EPB41L1: variants seen among roughly 807,000 people sequenced by gnomAD.
EPB41L1 encodes the protein erythrocyte membrane protein band 4.1 like 1, also known as band 4.1-like protein 1.
In EPB41L1, 29 loss-of-function variants were observed where a neutral mutation model predicts 97.8. The observed-to-expected ratio is 0.30, with a 90% confidence interval of 0.22 to 0.40. The LOEUF is 0.40. Among genes scored for constraint, EPB41L1 ranks in the 10% least tolerant of loss-of-function variants. The probability of loss-of-function intolerance (pLI) is 1.00; values close to 1 mark genes in which losing one functional copy is unlikely to be tolerated. For missense variants in EPB41L1, 812 were observed against 1,162.3 expected, an observed-to-expected ratio of 0.70 and a Z score of 4.38; for synonymous variants, 383 against 459.2, an observed-to-expected ratio of 0.83 and a Z score of 2.12.
At chr20:36,123,790 A>G (rs903920354) in intron 2 of EPB41L1, among the ~76,000 whole-genome samples, 11 of 152,364 alleles carry the variant, frequency 7.2e-5, no homozygotes, top group Admixed American at 3.3e-4. Context: ...TTAGATGAAG[A>G]GGACATTCCC....
intron 1 of EPB41L1, among the ~76,000 whole-genome samples, chr20:36,163,150 A>C (rs1472306268): frequency 6.7e-6 from 1 of 149,090 alleles, no homozygotes; most frequent in Non-Finnish European, 1.5e-5. Context: ...TTTTTCTTGT[A>C]ATTCTTCTTT....
At chr20:36,208,695 G>C (rs2062963420) in intron 14 of EPB41L1, among the ~76,000 whole-genome samples, 1 of 152,216 alleles carries the variant, frequency 6.6e-6, no homozygotes, top group African/African-American at 2.4e-5. Context: ...TTATGAACCA[G>C]CCAAAAATGT....
At chr20:36,122,550 A>G (rs2058787971) in intron 2 of EPB41L1, 1 of 152,848 alleles carries the variant, frequency 6.5e-6, no homozygotes, top group Non-Finnish European at 1.5e-5. Flanking sequence ...AGGTTTGGCC[A>G]CACCCATGAG....
chr20:36,181,095 A>G (rs548972340), intron 5 of EPB41L1, among the ~76,000 whole-genome samples: 1 of 152,332 alleles, frequency 6.6e-6, no homozygotes, highest in African/African-American at 2.4e-5. Context: ...GAGATGTGAC[A>G]TCTGTATGGT....
intron 2 of EPB41L1, among the ~76,000 whole-genome samples, chr20:36,133,649 G>A (rs575840066): frequency 2.0e-5 from 3 of 152,244 alleles, no homozygotes; most frequent in Non-Finnish European, 2.9e-5. Flanking sequence ...TTGAGCTCAC[G>A]AGTTTGAGAC....
At chr20:36,140,234 T>G (rs937762552) in intron 2 of EPB41L1, among the ~76,000 whole-genome samples, 1 of 149,548 alleles carries the variant, frequency 6.7e-6, no homozygotes, top group Non-Finnish European at 1.5e-5. Context: ...TTTGTATGTT[T>G]TTTTTTTTTT....
chr20:36,106,128 C>T (rs2058184438), intron 1 of EPB41L1, among the ~76,000 whole-genome samples: 1 of 152,182 alleles, frequency 6.6e-6, no homozygotes, highest in Non-Finnish European at 1.5e-5. Context: ...AGCCAGTGGA[C>T]CTTGCTGGCT....
At chr20:36,102,271 G>A (rs904282104) in intron 1 of EPB41L1, among the ~76,000 whole-genome samples, 11 of 152,182 alleles carry the variant, frequency 7.2e-5, no homozygotes, top group African/African-American at 2.4e-4. Flanking sequence ...CATGCACAAT[G>A]TTAAGAGTGT....
intron 2 of EPB41L1, among the ~76,000 whole-genome samples, chr20:36,132,250 G>A (rs984580268): frequency 8.5e-5 from 13 of 152,140 alleles, no homozygotes; most frequent in Non-Finnish European, 1.5e-4. Context: ...AAGTCAGGGT[G>A]TTGGCAGAGC....
intron 2 of EPB41L1, among the ~76,000 whole-genome samples, chr20:36,145,705 G>A (rs1386430029): frequency 6.6e-6 from 1 of 152,228 alleles, no homozygotes; most frequent in South Asian, 2.1e-4. Context: ...GTGATGAAAT[G>A]TTCTACATCT....
rs1353007696 is a variant in EPB41L1 at position 36,092,332 on chromosome 20, C to T, written c.-65+720C>T. Among the ~76,000 whole-genome samples the T allele has an allele frequency of 3.3e-5, 5 of 152,172 alleles. No individual in the cohort carries two copies. The highest frequency in any genetic ancestry group is 1.2e-4 in the African/African-American group (5 of 41,452). On this transcript the variant is annotated intron_variant, in intron 1 of 19. Transcript: ENST00000202028. The surrounding 1 kb of genome is among the most constrained non-coding windows in gnomAD (Gnocchi z 7.0). ...TGGGGGCCCCGGGTGGGGTCTGCTC[C>T]TCTTCTTCGCCCGGCCTCTGAGCCC...
At chr20:36,140,235 T>TC (rs1285318504) in intron 2 of EPB41L1, among the ~76,000 whole-genome samples, 1 of 150,294 alleles carries the variant, frequency 6.7e-6, no homozygotes, top group African/African-American at 2.4e-5. Context: ...TTGTATGTTT[T>TC]TTTTTTTTTT....
intron 2 of EPB41L1, 76 bp from the exon 3 acceptor site, chr20:36,175,475 A>G (rs1020068609): frequency 1.1e-5 from 17 of 1,569,018 alleles, no homozygotes; most frequent in South Asian, 2.2e-5. Flanking sequence ...AGATGCCTCT[A>G]TATTGCTTCT....
chr20:36,162,704 G>A (rs1046376398), intron 1 of EPB41L1, among the ~76,000 whole-genome samples: 1 of 152,218 alleles, frequency 6.6e-6, no homozygotes, highest in Admixed American at 6.5e-5. Flanking sequence ...GTGCTGTCAC[G>A]TGGTCCCCAG....
intron 2 of EPB41L1, among the ~76,000 whole-genome samples, chr20:36,129,390 C>T (rs2059103488): frequency 6.6e-6 from 1 of 152,048 alleles, no homozygotes; most frequent in Non-Finnish European, 1.5e-5. Context: ...AAATACTGCT[C>T]CTGGAGCCAC....
At chr20:36,208,317 C>T (rs931665859) in intron 14 of EPB41L1, 7 of 450,686 alleles carry the variant, frequency 1.6e-5, no homozygotes, top group Non-Finnish European at 3.1e-5. Context: ...TCCGGAGATG[C>T]GGTCAGGGAA....
In EPB41L1 at chr20:36,145,063, G is replaced by A. The variant is rs6121161; in HGVS notation, c.-9-30488G>A. 6.0e-3 allele frequency among the ~76,000 whole-genome samples: 916 copies of A among 152,256 alleles called. 10 individuals carry two copies. Among genetic ancestry groups the A allele is most frequent in the African/African-American group, 0.021 (863 of 41,548 alleles). ...TAGAATCACAGGAGGGCTGATGAAAGCACTGTTGCTGTTCCAAACCTCCTA... is the reference window on the plus strand; with the variant it reads ...TAGAATCACAGGAGGGCTGATGAAAACACTGTTGCTGTTCCAAACCTCCTA... On this transcript the variant is annotated intron_variant, in intron 2 of 19. Coordinates refer to the EPB41L1 transcript ENST00000202028.
rs547484765 is a variant in EPB41L1, at chr20:36,131,027, G to A, written c.-10+18547G>A. ...TTTTGCTCTTGTTGCCCAGGCTGGA[G>A]TGCAATGGCTCAATCTTGGCTCACT... On this transcript the variant is annotated intron_variant, in intron 2 of 19. Transcript: ENST00000202028. Among the ~76,000 whole-genome samples, 6 of 149,648 alleles carry A rather than the reference G, an allele frequency of 4.0e-5. No individual in the cohort carries two copies. The South Asian group carries it at 1.3e-3, about 32-fold the overall frequency.
rs747594438 is a variant in EPB41L1, at chr20:36,190,542, G to C, written c.1125-80G>C. The C allele has an allele frequency of 3.1e-6, 5 of 1,591,720 alleles. No individual in the cohort carries two copies. The highest frequency in any genetic ancestry group is 4.3e-6 in the Non-Finnish European group (5 of 1,163,940). ...GTTGTAGTTGGTGGAGTAGTGGGAT[G>C]AAAGGCCAGCTGTGGTCTAACCTTG... On this transcript the variant is annotated intron_variant, in intron 10 of 21. Coordinates refer to ENST00000338074, the MANE Select transcript of EPB41L1 (RefSeq NM_012156.2). The surrounding 1 kb of genome is among the most constrained non-coding windows in gnomAD (Gnocchi z 5.8).
Sources: allele counts gnomAD v4.1 joint callset (sites outside exome capture counted in the v4.1 genomes callset), GRCh38; gene constraint gnomAD v4.1.1; non-coding constraint Gnocchi (gnomAD v3.1); transcripts MANE v1.5; gene names NCBI Gene and HGNC (gene_info 2026-07-23, HGNC 2026-07-21).